Variants in APIP observed in about 807,000 individuals in gnomAD.
APIP encodes methylthioribulose-1-phosphate dehydratase.
Under a neutral mutation model 32.0 loss-of-function variants are expected in APIP, and 32 were observed. The observed-to-expected ratio is 1.00, with a 90% CI of 0.76 to 1.34. The LOEUF (loss-of-function observed/expected upper bound fraction) is 1.34. Among genes scored for constraint, APIP ranks in the 40% most tolerant of loss-of-function variants. The probability of loss-of-function intolerance (pLI) is 0.00; values close to 1 mark genes in which losing one functional copy is unlikely to be tolerated. For missense variants in APIP, 247 were observed against 298.6 expected (o/e 0.83, Z 1.27); for synonymous variants, 92 against 94.8 (o/e 0.97, Z 0.17).
intron 1 of APIP, among the ~76,000 whole-genome samples, chr11:34,898,762 G>A (rs1267412725): frequency 6.9e-6 from 1 of 145,896 alleles, no homozygotes; most frequent in African/African-American, 2.6e-5. Context: ...CTACTCTGGC[G>A]AGCACATAGT....
intron 4 of APIP, 134 bp downstream of exon 4, chr11:34,888,618 C>T: frequency 2.7e-6 from 3 of 1,100,476 alleles, no homozygotes; most frequent in Non-Finnish European, 3.8e-6. Context: ...GATGTGAGAA[C>T]TGAGTAAGTT....
At chr11:34,892,623 C>T (rs1475650379) in intron 2 of APIP, among the ~76,000 whole-genome samples, 2 of 152,102 alleles carry the variant, frequency 1.3e-5, no homozygotes, top group Admixed American at 6.5e-5. Context: ...TATTGAGTAT[C>T]CTGGAATTGC....
intron 1 of APIP, among the ~76,000 whole-genome samples, chr11:34,896,365 A>T (rs574039863): frequency 1.3e-5 from 2 of 152,362 alleles, no homozygotes; most frequent in African/African-American, 4.8e-5. Context: ...AATGTGACAC[A>T]TATACACAAT....
chr11:34,896,127 T>C (rs1409971790), intron 1 of APIP, among the ~76,000 whole-genome samples: 5 of 152,216 alleles, frequency 3.3e-5, no homozygotes, highest in African/African-American at 2.4e-5. Context: ...TGTGGAGAAA[T>C]AGGAATGCTT....
chr11:34,902,203 A>C (rs1457298676), intron 1 of APIP, among the ~76,000 whole-genome samples: 2 of 152,144 alleles, frequency 1.3e-5, no homozygotes, highest in African/African-American at 2.4e-5. Context: ...GCCTTTGAGG[A>C]TTTCCTTCCG....
At chr11:34,911,835 A>G (rs1853557017) in intron 1 of APIP, among the ~76,000 whole-genome samples, 1 of 151,980 alleles carries the variant, frequency 6.6e-6, no homozygotes, top group Admixed American at 6.6e-5. Context: ...CCCTCCCTCT[A>G]TACTTGCAAA....
At chr11:34,912,321 A>C (rs574528039) in intron 1 of APIP, among the ~76,000 whole-genome samples, 495 of 152,338 alleles carry the variant, frequency 3.2e-3, no homozygotes, top group African/African-American at 0.011. Flanking sequence ...ATATGTGTTC[A>C]GAAAAGAGTG....
intron 1 of APIP, among the ~76,000 whole-genome samples, chr11:34,910,298 G>C (rs1410008593): frequency 6.6e-6 from 1 of 152,196 alleles, no homozygotes; most frequent in South Asian, 2.1e-4. Flanking sequence ...AATAGACTGG[G>C]TGTGGAAGCA....
intron 1 of APIP, among the ~76,000 whole-genome samples, chr11:34,905,788 A>G (rs1853440695): frequency 6.6e-6 from 1 of 152,270 alleles, no homozygotes; most frequent in African/African-American, 2.4e-5. Context: ...ATTGTAAAGA[A>G]TAACAGATGG....
At chr11:34,888,541 T>C in intron 4 of APIP, 113 bp from the exon 5 acceptor site, 8 of 1,452,862 alleles carry the variant, frequency 5.5e-6, no homozygotes, top group Non-Finnish European at 7.3e-6. Context: ...GGCTTATTTT[T>C]CCTGGCATGG....
chr11:34,910,603 T>C (rs946981989), intron 1 of APIP, among the ~76,000 whole-genome samples: 1 of 152,164 alleles, frequency 6.6e-6, no homozygotes, highest in African/African-American at 2.4e-5. Context: ...CAGGTAAGTA[T>C]GTAATAATAT....
intron 5 of APIP, among the ~76,000 whole-genome samples, chr11:34,886,517 T>C (rs1177615751): frequency 1.3e-5 from 2 of 152,142 alleles, no homozygotes; most frequent in Non-Finnish European, 2.9e-5. Flanking sequence ...TTTCAATAAA[T>C]TTCGTGTAGC....
chr11:34,906,180 G>A (rs1205247359), intron 1 of APIP, among the ~76,000 whole-genome samples: 2 of 151,564 alleles, frequency 1.3e-5, no homozygotes, highest in African/African-American at 2.4e-5. Flanking sequence ...TTTTTTTGTG[G>A]CTCCTGGATA....
At chr11:34,893,714 G>A (rs902108179) in intron 2 of APIP, among the ~76,000 whole-genome samples, 2 of 152,244 alleles carry the variant, frequency 1.3e-5, no homozygotes, top group South Asian at 4.1e-4. Context: ...GGAACCTCTT[G>A]TCATTTCCCA....
At chr11:34,889,938 A>G (rs1853158194) in intron 3 of APIP, among the ~76,000 whole-genome samples, 1 of 152,044 alleles carries the variant, frequency 6.6e-6, no homozygotes, top group African/African-American at 2.4e-5. Flanking sequence ...TGTAGCTTTT[A>G]TCTGCCAGGA....
At chr11:34,914,141 C>A (rs1853606984) in intron 1 of APIP, among the ~76,000 whole-genome samples, 1 of 152,222 alleles carries the variant, frequency 6.6e-6, no homozygotes, top group Non-Finnish European at 1.5e-5. Context: ...CTAACCCATT[C>A]AAGTGTATAC....
intron 1 of APIP, among the ~76,000 whole-genome samples, chr11:34,908,868 G>A (rs1304036169): frequency 1.3e-5 from 2 of 152,204 alleles, no homozygotes; most frequent in Non-Finnish European, 2.9e-5. Context: ...AGGTAAAAGG[G>A]AGGCTGAGTC....
In APIP at chr11:34,916,231, C is replaced by G. The variant is rs763711108; in HGVS notation, c.54G>C (p.Ala18=). ...EGDCCSRRCG[A]QDKEHPRYLI... is the part of the protein sequence containing the mutation. The stretch of plus-strand genomic sequence containing the variant: ...GCACCGGTGGCCCCGCCCCTACCTG[C>G]GCGCCGCATCTCCGGGAACAACAGT... The change falls in exon 1 of 7, where the codon GCG becomes GCC. Residue 18 remains alanine (A), a synonymous_variant. Transcript: ENST00000395787. 1 of 1,611,518 alleles carries G rather than the reference C, an allele frequency of 6.2e-7. No homozygotes were observed. Among genetic ancestry groups the G allele is most frequent in the South Asian group, 1.1e-5 (1 of 90,786 alleles).
At chr11:34,905,755 C>A (rs182534243) in intron 1 of APIP, among the ~76,000 whole-genome samples, 2 of 152,270 alleles carry the variant, frequency 1.3e-5, no homozygotes, top group East Asian at 1.9e-4. Context: ...GAGTGGCATG[C>A]TCTAAGTAAC....
Sources: gnomAD v4.1 joint callset for allele counts (sites outside exome capture counted in the v4.1 genomes callset) on GRCh38, gnomAD v4.1.1 for gene constraint, MANE v1.5 for transcripts, NCBI Gene and HGNC (gene_info 2026-07-23, HGNC 2026-07-21) for gene names.